The following C19orf18 variants were observed in gnomAD, a reference collection of about 807,000 sequenced individuals.
C19orf18 encodes the protein chromosome 19 open reading frame 18.
Under a neutral mutation model 23.3 loss-of-function variants are expected in C19orf18, and 21 were observed. The observed-to-expected ratio is 0.90, with a 90% CI of 0.64 to 1.30. C19orf18 has a LOEUF of 1.30. Ranked by LOEUF, C19orf18 falls within the 50% of genes most tolerant of loss-of-function variation. C19orf18 has a pLI of 0.00. For synonymous variants in C19orf18, 96 were observed against 95.2 expected, an observed-to-expected ratio of 1.01 and a Z score of -0.05; for missense variants, 249 against 259.6, an observed-to-expected ratio of 0.96 and a Z score of 0.28.
At chr19:57,961,339 C>T (rs553678223) in intron 5 of C19orf18, 52 bp downstream of exon 5, 2 of 1,511,806 alleles carry the variant, frequency 1.3e-6, no homozygotes, top group Non-Finnish European at 1.8e-6. Context: ...GAAACGCAAG[C>T]TGCCGCTGCC....
intron 4 of C19orf18, among the ~76,000 whole-genome samples, chr19:57,964,232 A>G (rs576553385): frequency 5.9e-5 from 9 of 152,304 alleles, no homozygotes; most frequent in African/African-American, 1.9e-4. Context: ...ACAAAACTTT[A>G]TATTTATTAA....
At chr19:57,960,212 G>C (rs1414614972) in intron 5 of C19orf18, among the ~76,000 whole-genome samples, 1 of 151,978 alleles carries the variant, frequency 6.6e-6, no homozygotes, top group Non-Finnish European at 1.5e-5. Context: ...GGATTACAAG[G>C]TCAGGAGATC....
chr19:57,965,278 G>A (rs867403175), intron 4 of C19orf18, among the ~76,000 whole-genome samples: 2 of 152,006 alleles, frequency 1.3e-5, no homozygotes, highest in African/African-American at 4.8e-5. Context: ...GGGATTACAG[G>A]TGCCCACCAC....
At chr19:57,964,547 G>A (rs1304025556) in intron 4 of C19orf18, among the ~76,000 whole-genome samples, 1 of 152,158 alleles carries the variant, frequency 6.6e-6, no homozygotes, top group Non-Finnish European at 1.5e-5. Context: ...CTCCCAAAGT[G>A]TTGGGATCAC....
chr19:57,964,148 C>CA (rs1418390675), intron 4 of C19orf18, among the ~76,000 whole-genome samples: 2 of 151,968 alleles, frequency 1.3e-5, no homozygotes, highest in Non-Finnish European at 2.9e-5. Context: ...AATGTGAAAA[C>CA]AATAAGAATT....
At chr19:57,972,371 T>C in intron 3 of C19orf18, 92 bp downstream of exon 3, 3 of 1,473,984 alleles carry the variant, frequency 2.0e-6, no homozygotes, top group Middle Eastern at 2.0e-4. Flanking sequence ...TGCAGGCTCC[T>C]TGGTGACCAG....
At chr19:57,961,324 G>A in intron 5 of C19orf18, 67 bp downstream of exon 5, 3 of 1,463,684 alleles carry the variant, frequency 2.0e-6, no homozygotes, top group Non-Finnish European at 2.8e-6. Context: ...GAGAAAGAAA[G>A]AAAAGAAACG....
chr19:57,958,668 C>T lies in C19orf18; in HGVS notation c.582G>A (p.Glu194=). 1 of 1,605,644 alleles carries T rather than the reference C, an allele frequency of 6.2e-7. No individual in the cohort carries two copies. Among genetic ancestry groups the T allele is most frequent in the Non-Finnish European group, 8.5e-7 (1 of 1,176,712 alleles). ...SKNIKKKLKE[E]QNSVTENKTK... is the part of the protein sequence containing the mutation. ...TTTTGTTTTCTGTTACTGAGTTTTGCTCTTCCTTCAGTTTCTTCTTAATAT... is the reference window on the plus strand; with the variant it reads ...TTTTGTTTTCTGTTACTGAGTTTTGTTCTTCCTTCAGTTTCTTCTTAATAT... The change falls in exon 6 of 6, where the codon GAG becomes GAA. Residue 194 remains glutamate, a synonymous_variant. Coordinates refer to ENST00000314391, the MANE Select transcript of C19orf18 (RefSeq NM_152474.5).
chr19:57,969,580 A>AAAAAAAAAAAAAAAAAAAAG, intron 3 of C19orf18, among the ~76,000 whole-genome samples: 1 of 133,838 alleles, frequency 7.5e-6, no homozygotes, highest in East Asian at 2.0e-4. Flanking sequence ...AAAAAAAAAA[A>AAAAAAAAAAAAAAAAAAAAG]AAAAAAAAAA....
chr19:57,960,253 C>T (rs7247149), intron 5 of C19orf18, among the ~76,000 whole-genome samples: 42,191 of 151,412 alleles, frequency 0.28, 6,576 homozygotes, highest in African/African-American at 0.42. Context: ...GGTGAAACCC[C>T]GTCTCTACTA....
chr19:57,965,884 C>T (rs1211997628), intron 4 of C19orf18, among the ~76,000 whole-genome samples: 3 of 152,090 alleles, frequency 2.0e-5, no homozygotes, highest in African/African-American at 7.2e-5. Context: ...TATTTCACAA[C>T]CGTGTGTCTG....
chr19:57,962,208 A>AT (rs965316979), intron 4 of C19orf18, among the ~76,000 whole-genome samples: 142 of 145,544 alleles, frequency 9.8e-4, no homozygotes, highest in Admixed American at 2.4e-3. Flanking sequence ...TTATTTTTGT[A>AT]TTTTTTTTTT....
rs948686785 is a variant in C19orf18, at chr19:57,972,524, G to A, written c.227-20C>T. 6.2e-7 allele frequency: 1 copy of A among 1,612,514 alleles called. No individual in the cohort carries two copies. The highest frequency in any genetic ancestry group is 8.5e-7 in the Non-Finnish European group (1 of 1,179,162). On this transcript the variant is annotated intron_variant, in intron 2 of 5. Transcript: ENST00000314391. The stretch of plus-strand genomic sequence containing the variant: ...ATGCAGCTAAAAGGCCATCAAAGGG[G>A]ATCAAAAAGAAGAGACTTTAAGATG...
intron 5 of C19orf18, among the ~76,000 whole-genome samples, chr19:57,959,814 A>G (rs2072853022): frequency 6.7e-6 from 1 of 150,222 alleles, no homozygotes; most frequent in South Asian, 2.1e-4. Flanking sequence ...AAAAAAAAGA[A>G]AAAAGAAAAA....
chr19:57,969,105 G>A (rs976600433), intron 3 of C19orf18, among the ~76,000 whole-genome samples: 1 of 152,130 alleles, frequency 6.6e-6, no homozygotes, highest in African/African-American at 2.4e-5. Context: ...TGCTTCCTGA[G>A]GTTACTGGTG....
chr19:57,974,233 G>T, intron 1 of C19orf18, 30 bp from the exon 2 acceptor site: 5 of 1,613,462 alleles, frequency 3.1e-6, no homozygotes, highest in Non-Finnish European at 4.2e-6. Context: ...GCGGTGAAAT[G>T]TAATTACCTT....
chr19:57,965,781 T>TA (rs2072903291), intron 4 of C19orf18, among the ~76,000 whole-genome samples: 1 of 151,850 alleles, frequency 6.6e-6, no homozygotes, highest in African/African-American at 2.4e-5. Flanking sequence ...AAAAATAAAA[T>TA]AAAATAAAAT....
At position 57,961,485 on chromosome 19, in the gene C19orf18, T is replaced by TA. The variant is rs761840125; in HGVS notation, c.437dup (p.Leu146PhefsTer5). ...CTGAGCCCTCTTCTTCATCTCCTAATAACGGTATCCTGAGGTTCTTATAAA... is the reference window on the plus strand; with the variant it reads ...CTGAGCCCTCTTCTTCATCTCCTAATAAACGGTATCCTGAGGTTCTTATAAA... On this transcript the variant is annotated frameshift_variant, in exon 5 of 6. Coordinates refer to ENST00000314391, the MANE Select transcript of C19orf18 (RefSeq NM_152474.5). LOFTEE classifies it high-confidence loss of function. 4.3e-6 allele frequency: 7 copies of TA among 1,614,176 alleles called. No homozygotes were observed. The highest frequency in any genetic ancestry group is 5.9e-6 in the Non-Finnish European group (7 of 1,180,024).
At chr19:57,962,077 T>C (rs974889025) in intron 4 of C19orf18, among the ~76,000 whole-genome samples, 3 of 151,864 alleles carry the variant, frequency 2.0e-5, no homozygotes, top group Non-Finnish European at 2.9e-5. Context: ...TCACCCAGGC[T>C]AGAAGTGAAC....
Sources: allele counts gnomAD v4.1 joint callset (sites outside exome capture counted in the v4.1 genomes callset), GRCh38; gene constraint gnomAD v4.1.1; transcripts MANE v1.5; gene names NCBI Gene and HGNC (gene_info 2026-07-23, HGNC 2026-07-21).